FHIT: variants seen among roughly 807,000 people sequenced by gnomAD.
FHIT encodes bis(5'-adenosyl)-triphosphatase.
A neutral mutation model predicts 17.9 loss-of-function variants in FHIT; 19 were observed. The observed-to-expected ratio is 1.06, with a 90% CI of 0.74 to 1.56. The LOEUF (loss-of-function observed/expected upper bound fraction) is 1.56. Among genes scored for constraint, FHIT ranks in the 40% most tolerant of loss-of-function variants. The pLI is 0.00. For synonymous variants in FHIT, 81 were observed against 69.7 expected (o/e 1.16, Z -0.81); for missense variants, 248 against 189.2 (o/e 1.31, Z -1.82).
At chr3:60,738,675 A>T (rs1252226990) in intron 4 of FHIT, among the ~76,000 whole-genome samples, 1 of 152,252 alleles carries the variant, frequency 6.6e-6, no homozygotes, top group African/African-American at 2.4e-5. Flanking sequence ...AGTCTTGCTC[A>T]TCTGACCAAG....
chr3:60,393,040 TGA>T (rs1279053662), intron 5 of FHIT, among the ~76,000 whole-genome samples: 1 of 152,136 alleles, frequency 6.6e-6, no homozygotes, highest in Non-Finnish European at 1.5e-5. Flanking sequence ...GACAATTTTG[TGA>T]GAGTTTTGAT....
intron 4 of FHIT, among the ~76,000 whole-genome samples, chr3:60,739,937 G>A (rs561290067): frequency 6.6e-6 from 1 of 152,326 alleles, no homozygotes; most frequent in Admixed American, 6.5e-5. Flanking sequence ...ACAAGTTTAA[G>A]TGGAAAGTGG....
intron 1 of FHIT, among the ~76,000 whole-genome samples, chr3:61,237,534 C>T (rs1229879285): frequency 6.6e-6 from 1 of 152,082 alleles, no homozygotes; most frequent in East Asian, 1.9e-4. Flanking sequence ...GAAACTTCAC[C>T]AAATAACATA....
intron 5 of FHIT, among the ~76,000 whole-genome samples, chr3:60,455,050 T>C (rs1053770662): frequency 3.3e-5 from 5 of 152,134 alleles, no homozygotes; most frequent in Non-Finnish European, 5.9e-5. Flanking sequence ...TGAGAATATA[T>C]ATATTTTAAA....
rs144282574 is a variant in FHIT, at chr3:61,203,650, T to TA, written c.-212-2986dup. On this transcript the variant is annotated intron_variant, in intron 1 of 9. Transcript: ENST00000492590. ...ATTAATAATTATTAAGCTCTACTTGTAAAAAAACAAAACAAAACAATTTTT... is the reference window on the plus strand; with the variant it reads ...ATTAATAATTATTAAGCTCTACTTGTAAAAAAAACAAAACAAAACAATTTTT... 8.7e-3 allele frequency among the ~76,000 whole-genome samples: 1,328 copies of TA among 152,152 alleles called. 17 individuals are homozygous for TA. The highest frequency in any genetic ancestry group is 0.029 in the African/African-American group (1,222 of 41,510).
intron 5 of FHIT, among the ~76,000 whole-genome samples, chr3:60,447,363 G>A (rs2031411535): frequency 6.6e-6 from 1 of 152,068 alleles, no homozygotes; most frequent in Admixed American, 6.6e-5. Flanking sequence ...TTCTGAATAT[G>A]AGGTTAAATT....
chr3:60,582,164 T>C (rs1347409678), intron 4 of FHIT, among the ~76,000 whole-genome samples: 2 of 152,040 alleles, frequency 1.3e-5, no homozygotes, highest in Non-Finnish European at 2.9e-5. Context: ...CTGATTTATT[T>C]GGACTGGGGT....
chr3:60,976,105 T>TTTTC (rs1710233265), intron 3 of FHIT, among the ~76,000 whole-genome samples: 2 of 122,168 alleles, frequency 1.6e-5, no homozygotes, highest in Non-Finnish European at 3.4e-5. Flanking sequence ...TCTTTTTTTT[T>TTTTC]TTTTTTTTTT....
intron 4 of FHIT, among the ~76,000 whole-genome samples, chr3:60,819,518 A>G (rs1020045044): frequency 1.3e-5 from 2 of 152,300 alleles, no homozygotes; most frequent in Admixed American, 1.3e-4. Flanking sequence ...GAAAACTGCA[A>G]TAGATAATAT....
At chr3:60,088,960 T>C (rs1379172450) in intron 5 of FHIT, among the ~76,000 whole-genome samples, 1 of 152,216 alleles carries the variant, frequency 6.6e-6, no homozygotes, top group African/African-American at 2.4e-5. Flanking sequence ...TTCAAGGGTA[T>C]ATGCTTTTAG....
At chr3:59,820,096 C>T (rs114203481) in intron 8 of FHIT, among the ~76,000 whole-genome samples, 2,304 of 152,300 alleles carry the variant, frequency 0.015, 27 homozygotes, top group Middle Eastern at 0.027. Context: ...TTAAATTACC[C>T]AGGCTAAGGT....
At chr3:59,860,510 T>C (rs1318534286) in intron 8 of FHIT, among the ~76,000 whole-genome samples, 1 of 152,216 alleles carries the variant, frequency 6.6e-6, no homozygotes, top group Admixed American at 6.5e-5. Context: ...AATTCTTCTG[T>C]TATTCCAAAT....
intron 2 of FHIT, among the ~76,000 whole-genome samples, chr3:61,088,063 A>C (rs1486180527): frequency 6.6e-6 from 1 of 152,122 alleles, no homozygotes; most frequent in Non-Finnish European, 1.5e-5. Flanking sequence ...TTCAAAATTC[A>C]AAATTCTTAG....
intron 7 of FHIT, among the ~76,000 whole-genome samples, chr3:59,969,249 C>T (rs769308474): frequency 6.6e-6 from 1 of 152,124 alleles, no homozygotes; most frequent in African/African-American, 2.4e-5. Context: ...CTATGGCAAT[C>T]TCCATTCCAT....
chr3:61,034,026 C>T (rs1243524009), intron 3 of FHIT, among the ~76,000 whole-genome samples: 3 of 152,176 alleles, frequency 2.0e-5, no homozygotes, highest in African/African-American at 7.2e-5. Context: ...ATAATAATCT[C>T]TTCAGCAAAT....
chr3:60,068,994 T>G (rs2630178), intron 5 of FHIT, among the ~76,000 whole-genome samples: 50,590 of 152,062 alleles, frequency 0.33, 9,737 homozygotes, highest in African/African-American at 0.53. Flanking sequence ...TGAAATGCTA[T>G]TAAGTCAATA....
At chr3:60,855,315 T>TG (rs1332689999) in intron 3 of FHIT, among the ~76,000 whole-genome samples, 1 of 152,088 alleles carries the variant, frequency 6.6e-6, no homozygotes, top group Non-Finnish European at 1.5e-5. Flanking sequence ...GGACATACAC[T>TG]GGGGGGACTC....
At chr3:61,220,689 G>A (rs79067628) in intron 1 of FHIT, among the ~76,000 whole-genome samples, 16,077 of 152,096 alleles carry the variant, frequency 0.11, 1,045 homozygotes, top group South Asian at 0.21. Flanking sequence ...AACACTGTCT[G>A]GCACATATAC....
intron 3 of FHIT, among the ~76,000 whole-genome samples, chr3:60,961,277 GTTGT>G (rs1364461589): frequency 9.5e-6 from 1 of 105,046 alleles, no homozygotes; most frequent in African/African-American, 2.9e-5. Flanking sequence ...TTTTGATGGG[GTTGT>G]TTGTTTTTTT....
Sources: gnomAD v4.1 joint callset for allele counts (sites outside exome capture counted in the v4.1 genomes callset) on GRCh38, gnomAD v4.1.1 for gene constraint, MANE v1.5 for transcripts, NCBI Gene and HGNC (gene_info 2026-07-23, HGNC 2026-07-21) for gene names.